The following RAD51B variants were observed in gnomAD, a reference collection of about 807,000 sequenced individuals.
RAD51B encodes the protein RAD51 paralog B, also known as DNA repair protein RAD51 homolog 2.
In RAD51B, 38 loss-of-function variants were observed where a neutral mutation model predicts 42.2. The observed-to-expected ratio is 0.90, with a 90% CI of 0.70 to 1.18. RAD51B has a LOEUF of 1.18. RAD51B is among the 50% of genes most tolerant of loss of function. The pLI, the probability that RAD51B is intolerant of heterozygous loss-of-function variation, is 0.00. For missense variants in RAD51B, 373 were observed against 400.7 expected (o/e 0.93, Z 0.59); for synonymous variants, 154 against 145.2 (o/e 1.06, Z -0.43).
At chr14:68,352,144 G>A (rs1453468830) in intron 8 of RAD51B, among the ~76,000 whole-genome samples, 1 of 152,170 alleles carries the variant, frequency 6.6e-6, no homozygotes, top group Admixed American at 6.5e-5. Context: ...CTCCTTATAG[G>A]TGATAATTGA....
intron 8 of RAD51B, among the ~76,000 whole-genome samples, chr14:68,293,518 G>A (rs1384648117): frequency 6.6e-6 from 1 of 151,908 alleles, no homozygotes; most frequent in Non-Finnish European, 1.5e-5. Context: ...AGTTCCTGCC[G>A]ATATCTTAGG....
intron 7 of RAD51B, among the ~76,000 whole-genome samples, chr14:68,227,685 C>G (rs2080066474): frequency 6.6e-6 from 1 of 152,082 alleles, no homozygotes; most frequent in Admixed American, 6.5e-5. Flanking sequence ...TCTTCAGGGT[C>G]CGTCAACTGG....
At chr14:68,469,601 A>G (rs938162572) in intron 10 of RAD51B, among the ~76,000 whole-genome samples, 4 of 152,232 alleles carry the variant, frequency 2.6e-5, no homozygotes, top group African/African-American at 9.6e-5. Flanking sequence ...AGCAAACAGC[A>G]GGCCTCTTTG....
chr14:67,835,342 G>A (rs1360241159), intron 4 of RAD51B, 146 bp downstream of exon 4: 11 of 633,020 alleles, frequency 1.7e-5, no homozygotes, highest in Non-Finnish European at 2.4e-5. Flanking sequence ...TCTCCACTCA[G>A]TACTTAGTGT....
At chr14:67,833,514 T>C (rs145820778) in intron 3 of RAD51B, among the ~76,000 whole-genome samples, 147 of 152,336 alleles carry the variant, frequency 9.6e-4, no homozygotes, top group Non-Finnish European at 1.8e-3. Context: ...CTAAACTCTA[T>C]GTATACTATG....
At chr14:68,166,666 A>G (rs937847531) in intron 7 of RAD51B, among the ~76,000 whole-genome samples, 2 of 152,174 alleles carry the variant, frequency 1.3e-5, no homozygotes, top group African/African-American at 4.8e-5. Flanking sequence ...CATCATTCCC[A>G]TTAGCACCAG....
At chr14:68,658,573 A>G (rs1390874220) in intron 11 of RAD51B, among the ~76,000 whole-genome samples, 3 of 152,152 alleles carry the variant, frequency 2.0e-5, no homozygotes, top group Non-Finnish European at 2.9e-5. Flanking sequence ...CCTACTTCAC[A>G]ATCCCTCTAC....
At chr14:68,366,691 G>T (rs1002697247) in intron 8 of RAD51B, among the ~76,000 whole-genome samples, 13 of 152,196 alleles carry the variant, frequency 8.5e-5, no homozygotes, top group Non-Finnish European at 1.9e-4. Flanking sequence ...ACTGGCAGGG[G>T]TGGCTTTGGG....
At chr14:68,595,906 G>T in exon 11 of RAD51B, 1 of 320,524 alleles carries the variant, frequency 3.1e-6, no homozygotes, top group African/African-American at 2.2e-5. Flanking sequence ...TGCAATCTCT[G>T]GGCAATAAGA....
intron 10 of RAD51B, among the ~76,000 whole-genome samples, chr14:68,621,693 GA>G (rs1314244776): frequency 6.6e-6 from 1 of 152,186 alleles, no homozygotes; most frequent in Admixed American, 6.5e-5. Flanking sequence ...TCCTACGGGA[GA>G]AAAAAATAAG....
intron 10 of RAD51B, among the ~76,000 whole-genome samples, chr14:68,557,140 T>G (rs1237898683): frequency 3.3e-5 from 5 of 152,190 alleles, no homozygotes; most frequent in African/African-American, 1.2e-4. Context: ...GGGTCATTAT[T>G]TTATGTACAT....
intron 5 of RAD51B, among the ~76,000 whole-genome samples, chr14:67,866,337 G>A (rs1372473442): frequency 6.6e-6 from 1 of 152,156 alleles, no homozygotes; most frequent in East Asian, 1.9e-4. Context: ...TGAGATTAAA[G>A]CTGGTAAAGA....
chr14:68,246,874 C>A (rs1038153025), intron 7 of RAD51B, among the ~76,000 whole-genome samples: 1 of 152,114 alleles, frequency 6.6e-6, no homozygotes, highest in Non-Finnish European at 1.5e-5. Context: ...TTTCTTGTAG[C>A]CTGTTTGTTT....
chr14:68,661,497 C>G (rs1290070793), intron 11 of RAD51B, among the ~76,000 whole-genome samples: 2 of 152,194 alleles, frequency 1.3e-5, no homozygotes, highest in African/African-American at 4.8e-5. Flanking sequence ...GACCCCAAAG[C>G]CCTGGTTCCT....
intron 10 of RAD51B, among the ~76,000 whole-genome samples, chr14:68,529,813 G>A (rs1172263459): frequency 2.6e-5 from 4 of 152,064 alleles, no homozygotes; most frequent in Non-Finnish European, 5.9e-5. Context: ...TTAAAATAAT[G>A]GAACAATCTG....
chr14:68,000,198 G>C (rs1173661204), intron 7 of RAD51B: 8 of 152,062 alleles, frequency 5.3e-5, no homozygotes, highest in Non-Finnish European at 1.0e-4. Context: ...CACTATTCAA[G>C]ACTGCTTTAC....
intron 7 of RAD51B, among the ~76,000 whole-genome samples, chr14:68,111,128 C>A (rs2077452944): frequency 1.3e-5 from 2 of 151,968 alleles, no homozygotes; most frequent in African/African-American, 4.8e-5. Context: ...GACCAAGTAA[C>A]CTTTGGATCA....
At chr14:68,233,820 G>GA (rs927371600) in intron 7 of RAD51B, among the ~76,000 whole-genome samples, 4 of 152,138 alleles carry the variant, frequency 2.6e-5, no homozygotes, top group Non-Finnish European at 5.9e-5. Flanking sequence ...TATTCAGGGT[G>GA]AAAAAATACA....
At chr14:68,306,350 C>A (rs936744890) in intron 8 of RAD51B, among the ~76,000 whole-genome samples, 6 of 152,256 alleles carry the variant, frequency 3.9e-5, no homozygotes, top group Middle Eastern at 3.4e-3. Flanking sequence ...GTTTATTTAC[C>A]CATGACTTAG....
Sources: gnomAD v4.1 joint callset for allele counts (sites outside exome capture counted in the v4.1 genomes callset) on GRCh38, gnomAD v4.1.1 for gene constraint, MANE v1.5 for transcripts, NCBI Gene and HGNC (gene_info 2026-07-23, HGNC 2026-07-21) for gene names.